CNTN6: variants seen among roughly 807,000 people sequenced by gnomAD.
CNTN6 encodes the protein contactin-6.
In CNTN6, 137 loss-of-function variants were observed where a neutral mutation model predicts 122.8. That is an observed-to-expected ratio of 1.12 (90% CI 0.97 to 1.29). CNTN6 has a LOEUF of 1.29. Among genes scored for constraint, CNTN6 ranks in the 50% most tolerant of loss-of-function variants. The probability of loss-of-function intolerance (pLI) is 0.00; values close to 1 mark genes in which losing one functional copy is unlikely to be tolerated. For synonymous variants in CNTN6, 570 were observed against 426.0 expected, an observed-to-expected ratio of 1.34 and a Z score of -4.16; for missense variants, 1,634 against 1,223.4, an observed-to-expected ratio of 1.34 and a Z score of -5.01.
At chr3:1,191,936 G>A (rs1465648080) in intron 2 of CNTN6, among the ~76,000 whole-genome samples, 1 of 152,044 alleles carries the variant, frequency 6.6e-6, no homozygotes, top group Non-Finnish European at 1.5e-5. Context: ...ATAATTTTTT[G>A]AAAAATCACT....
chr3:1,370,644 G>C (rs1465728017), intron 12 of CNTN6, among the ~76,000 whole-genome samples: 1 of 152,058 alleles, frequency 6.6e-6, no homozygotes. Flanking sequence ...GATGTCAGGA[G>C]TTTGAGACCA....
At chr3:1,233,795 G>C (rs1431315097) in intron 4 of CNTN6, among the ~76,000 whole-genome samples, 1 of 143,060 alleles carries the variant, frequency 7.0e-6, no homozygotes, top group African/African-American at 2.6e-5. Flanking sequence ...CCTTAAATAT[G>C]TTAGTCTGAC....
At chr3:1,141,376 G>A (rs943948515) in intron 1 of CNTN6, among the ~76,000 whole-genome samples, 21 of 152,284 alleles carry the variant, frequency 1.4e-4, no homozygotes, top group African/African-American at 5.1e-4. Flanking sequence ...AATAAGGGGA[G>A]AACGAAGCCC....
chr3:1,098,790 A>ATATATATATATATATATATATAT (rs2090689544), intron 1 of CNTN6, among the ~76,000 whole-genome samples: 1 of 32,932 alleles, frequency 3.0e-5, no homozygotes, highest in Non-Finnish European at 4.8e-5. Flanking sequence ...ACACACACAC[A>ATATATATATATATATATATATAT]TATATATATA....
At chr3:1,367,650 A>C (rs992471830) in intron 12 of CNTN6, among the ~76,000 whole-genome samples, 3 of 152,114 alleles carry the variant, frequency 2.0e-5, no homozygotes, top group Admixed American at 6.5e-5. Context: ...TCCTGCACAC[A>C]CAAGTTCAGG....
At chr3:1,317,896 A>C (rs1462820399) in intron 7 of CNTN6, among the ~76,000 whole-genome samples, 5 of 151,570 alleles carry the variant, frequency 3.3e-5, no homozygotes, top group Non-Finnish European at 7.4e-5. Flanking sequence ...GTTAAAAAAA[A>C]AAAAAAAAGC....
At chr3:1,275,410 G>T (rs17495393) in intron 4 of CNTN6, among the ~76,000 whole-genome samples, 13,201 of 152,116 alleles carry the variant, frequency 0.087, 720 homozygotes, top group Middle Eastern at 0.14. Context: ...ACATTGTTTT[G>T]TCTTTTATGT....
chr3:1,236,077 G>A (rs1251695712), intron 4 of CNTN6, among the ~76,000 whole-genome samples: 1 of 152,008 alleles, frequency 6.6e-6, no homozygotes, highest in African/African-American at 2.4e-5. Context: ...CCAAGGAGAG[G>A]CTGAGCTCAG....
At chr3:1,113,487 G>T (rs2091576366) in intron 1 of CNTN6, among the ~76,000 whole-genome samples, 1 of 152,256 alleles carries the variant, frequency 6.6e-6, no homozygotes, top group East Asian at 1.9e-4. Context: ...AAAATAGATT[G>T]CTCAATATGC....
intron 1 of CNTN6, among the ~76,000 whole-genome samples, chr3:1,102,596 G>GT (rs1559315230): frequency 1.4e-5 from 2 of 146,402 alleles, no homozygotes. Flanking sequence ...GGGCGTGGTG[G>GT]CGGCGCCTGT....
chr3:1,204,691 C>A (rs529255447), intron 2 of CNTN6, among the ~76,000 whole-genome samples: 146 of 152,218 alleles, frequency 9.6e-4, no homozygotes, highest in African/African-American at 3.4e-3. Context: ...AGTGAAATTT[C>A]TCCCAAAGAA....
At chr3:1,145,743 G>A (rs1358750444) in intron 1 of CNTN6, among the ~76,000 whole-genome samples, 1 of 152,106 alleles carries the variant, frequency 6.6e-6, no homozygotes, top group Non-Finnish European at 1.5e-5. Context: ...TAATGCACGT[G>A]CACAGGAAGT....
chr3:1,388,600 C>A lies in CNTN6; in HGVS notation c.2704+2803C>A, dbSNP rs1392291421. 2.0e-5 allele frequency among the ~76,000 whole-genome samples: 3 copies of A among 148,784 alleles called. No individual in the cohort carries two copies. The East Asian group carries it at 5.9e-4, about 29-fold the overall frequency. On this transcript the variant is annotated intron_variant, in intron 20 of 22. Transcript: ENST00000446702. ...CGAGCTGAGAGAAGAAGGCTTCAGA[C>A]GATCAAATTACTCTGAGCTACGGGA... is the stretch of plus-strand genomic sequence containing the variant.
At chr3:1,377,955 A>T (rs1710122329) in intron 17 of CNTN6, among the ~76,000 whole-genome samples, 1 of 152,006 alleles carries the variant, frequency 6.6e-6, no homozygotes, top group Non-Finnish European at 1.5e-5. Flanking sequence ...TATCTGGGAG[A>T]TGGCCACTGG....
chr3:1,227,774 T>G, intron 3 of CNTN6, 44 bp from the exon 4 acceptor site: 1 of 1,577,566 alleles, frequency 6.3e-7, no homozygotes, highest in South Asian at 1.2e-5. Context: ...AAAGATTGAT[T>G]GACTCTGTAT....
Position 1,315,254 on chromosome 3 carries a change from G to A in CNTN6, c.762-6396G>A, listed in dbSNP as rs76850128. On this transcript the variant is annotated intron_variant, in intron 7 of 22. Coordinates refer to ENST00000446702, the MANE Select transcript of CNTN6 (RefSeq NM_001289080.2). ...GAGATCATTTATCTTGAAGCAAAAC[G>A]AACTCCTAGTAAATACTGCATTGCT... Among the ~76,000 whole-genome samples the A allele has an allele frequency of 1.3e-3, 200 of 151,962 alleles. 2 individuals are homozygous for A. The highest frequency in any genetic ancestry group is 4.6e-3 in the African/African-American group (189 of 41,476).
intron 5 of CNTN6, among the ~76,000 whole-genome samples, chr3:1,279,788 CATT>C (rs1245163108): frequency 6.6e-6 from 1 of 152,058 alleles, no homozygotes; most frequent in Non-Finnish European, 1.5e-5. Context: ...AGCGTTTTTC[CATT>C]ATTATTTTTA....
At chr3:1,220,908 G>A (rs2094199298) in intron 3 of CNTN6, 95 bp downstream of exon 3, 1 of 1,330,648 alleles carries the variant, frequency 7.5e-7, no homozygotes, top group Non-Finnish European at 1.0e-6. Flanking sequence ...GTCCTAATTT[G>A]TAGTGTACAG....
chr3:1,363,239 A>T (rs896511062), intron 12 of CNTN6, among the ~76,000 whole-genome samples: 1 of 151,974 alleles, frequency 6.6e-6, no homozygotes, highest in East Asian at 1.9e-4. Flanking sequence ...TGTCTCTGCG[A>T]TGAGAACACC....
Sources: gnomAD v4.1 joint callset for allele counts (sites outside exome capture counted in the v4.1 genomes callset) on GRCh38, gnomAD v4.1.1 for gene constraint, MANE v1.5 for transcripts, NCBI Gene and HGNC (gene_info 2026-07-23, HGNC 2026-07-21) for gene names.